Variants in BMAL2 observed in about 807,000 individuals in gnomAD.
BMAL2 encodes basic helix-loop-helix ARNT like 2.
chr12:27,404,971 G>T, the BMAL2 span, among the ~76,000 whole-genome samples: 3 of 152,286 alleles, frequency 2.0e-5, no homozygotes, highest in Admixed American at 2.0e-4. Flanking sequence ...TGGCTCGGAG[G>T]GTCCTACACC....
At chr12:27,338,557 T>C in the BMAL2 span, among the ~76,000 whole-genome samples, 1 of 151,884 alleles carries the variant, frequency 6.6e-6, no homozygotes, top group African/African-American at 2.4e-5. Flanking sequence ...CACAGAAGAA[T>C]TGATGTTAGT....
the BMAL2 span, among the ~76,000 whole-genome samples, chr12:27,410,745 TA>T: frequency 1.3e-3 from 200 of 151,460 alleles, no homozygotes; most frequent in African/African-American, 2.1e-3. Context: ...AAAAGTGTAA[TA>T]AAAAAAATAA....
At chr12:27,410,295 C>G in the BMAL2 span, among the ~76,000 whole-genome samples, 2,268 of 152,304 alleles carry the variant, frequency 0.015, 64 homozygotes, top group African/African-American at 0.051. Flanking sequence ...CACATACACA[C>G]GTATGTTTAT....
At chr12:27,418,775 C>T in the BMAL2 span, among the ~76,000 whole-genome samples, 341 of 152,078 alleles carry the variant, frequency 2.2e-3, 2 homozygotes, top group Non-Finnish European at 3.7e-3. Context: ...GTCAGGAGTT[C>T]GAGACCAGCC....
At chr12:27,409,440 A>G in the BMAL2 span, among the ~76,000 whole-genome samples, 2 of 152,214 alleles carry the variant, frequency 1.3e-5, no homozygotes, top group African/African-American at 2.4e-5. Context: ...AAATAATGCC[A>G]CATATCTACA....
chr12:27,349,902 C>A, the BMAL2 span, among the ~76,000 whole-genome samples: 1 of 152,134 alleles, frequency 6.6e-6, no homozygotes, highest in Non-Finnish European at 1.5e-5. Flanking sequence ...TGCCTTCTTG[C>A]CATTCAGTCC....
At chr12:27,385,506 T>TA in the BMAL2 span, 21 of 1,607,348 alleles carry the variant, frequency 1.3e-5, no homozygotes, top group Non-Finnish European at 1.7e-5. Flanking sequence ...ATGTGGGAAG[T>TA]AATTATAGAC....
chr12:27,348,462 G>A, the BMAL2 span, among the ~76,000 whole-genome samples: 1 of 152,102 alleles, frequency 6.6e-6, no homozygotes, highest in African/African-American at 2.4e-5. Context: ...AGAAAAAAAG[G>A]TAACATTTAT....
the BMAL2 span, among the ~76,000 whole-genome samples, chr12:27,336,011 T>A: frequency 4.9e-4 from 74 of 152,340 alleles, no homozygotes; most frequent in African/African-American, 1.6e-3. Flanking sequence ...GGTAGCATCC[T>A]TTTGAAATCT....
At chr12:27,414,505 CG>C in the BMAL2 span, among the ~76,000 whole-genome samples, 6 of 152,040 alleles carry the variant, frequency 3.9e-5, no homozygotes, top group Non-Finnish European at 7.4e-5. Context: ...AGAGGAAAAT[CG>C]TAAGAGTCAC....
chr12:27,397,803 T>C, the BMAL2 span, among the ~76,000 whole-genome samples: 2 of 152,228 alleles, frequency 1.3e-5, no homozygotes, highest in Non-Finnish European at 2.9e-5. Context: ...GTCTTAAGTG[T>C]TTCTTAAATT....
chr12:27,369,208 T>C, the BMAL2 span, among the ~76,000 whole-genome samples: 12 of 152,254 alleles, frequency 7.9e-5, no homozygotes, highest in African/African-American at 2.4e-4. Flanking sequence ...CAGTTATCCA[T>C]CATGAATGAA....
the BMAL2 span, among the ~76,000 whole-genome samples, chr12:27,377,740 T>G: frequency 6.6e-6 from 1 of 152,090 alleles, no homozygotes; most frequent in Non-Finnish European, 1.5e-5. Flanking sequence ...GACCTTGTCT[T>G]TAAAAAGATA....
the BMAL2 span, among the ~76,000 whole-genome samples, chr12:27,414,733 A>G: frequency 1.4e-4 from 21 of 152,180 alleles, no homozygotes; most frequent in Admixed American, 2.0e-4. Flanking sequence ...GAAACTAGAA[A>G]CAGTACAAAC....
At chr12:27,394,298 C>G in the BMAL2 span, 1 of 152,288 alleles carries the variant, frequency 6.6e-6, no homozygotes, top group Non-Finnish European at 1.5e-5. Context: ...TCCAGGAAAC[C>G]ATCCCTGATA....
At chr12:27,405,353 G>T in the BMAL2 span, among the ~76,000 whole-genome samples, 2 of 152,216 alleles carry the variant, frequency 1.3e-5, no homozygotes, top group African/African-American at 4.8e-5. Flanking sequence ...CCCCCCAGTA[G>T]GGGAAGACTG....
At chr12:27,373,518 A>G in the BMAL2 span, among the ~76,000 whole-genome samples, 3 of 152,118 alleles carry the variant, frequency 2.0e-5, no homozygotes, top group Non-Finnish European at 4.4e-5. Context: ...CACTGGGAGA[A>G]GCTGATGGAG....
chr12:27,376,703 T>C, the BMAL2 span, among the ~76,000 whole-genome samples: 1 of 152,102 alleles, frequency 6.6e-6, no homozygotes, highest in Non-Finnish European at 1.5e-5. Context: ...CATCTGACTG[T>C]TAGAAACCCA....
At chr12:27,363,143 A>G in the BMAL2 span, among the ~76,000 whole-genome samples, 1 of 152,294 alleles carries the variant, frequency 6.6e-6, no homozygotes, top group South Asian at 2.1e-4. Context: ...CATGTTGAGT[A>G]TAGCTGGACT....
Sources: gnomAD v4.1 joint callset for allele counts (sites outside exome capture counted in the v4.1 genomes callset) on GRCh38, gnomAD v4.1.1 for gene constraint, MANE v1.5 for transcripts, NCBI Gene and HGNC (gene_info 2026-07-23, HGNC 2026-07-21) for gene names.